LAMC1: variants seen among roughly 807,000 people sequenced by gnomAD.
LAMC1 encodes the protein laminin subunit gamma 1.
In LAMC1, 38 loss-of-function variants were observed where a neutral mutation model predicts 173.6. The ratio of observed to expected loss-of-function variants is 0.22; its 90% CI spans 0.17 to 0.29. The LOEUF (loss-of-function observed/expected upper bound fraction) is 0.29. Ranked by LOEUF, LAMC1 falls within the 10% of genes least tolerant of loss-of-function variation. The pLI, the probability that LAMC1 is intolerant of heterozygous loss-of-function variation, is 1.00. For missense variants in LAMC1, 1,824 were observed against 2,051.8 expected (o/e 0.89, Z 2.14); for synonymous variants, 746 against 749.1 (o/e 1.00, Z 0.07).
chr1:183,080,870 A>G (rs1377844184), intron 1 of LAMC1, among the ~76,000 whole-genome samples: 1 of 151,710 alleles, frequency 6.6e-6, no homozygotes, highest in Non-Finnish European at 1.5e-5. Context: ...ATGTTCTCAG[A>G]TATTTTTTAA....
At chr1:183,044,721 G>T (rs1317091672) in intron 1 of LAMC1, among the ~76,000 whole-genome samples, 1 of 152,062 alleles carries the variant, frequency 6.6e-6, no homozygotes, top group Non-Finnish European at 1.5e-5. Flanking sequence ...TGTCTGTTCT[G>T]TTGAACTTTC....
At chr1:183,139,372 T>A (rs1490962146) in intron 26 of LAMC1, among the ~76,000 whole-genome samples, 1 of 152,184 alleles carries the variant, frequency 6.6e-6, no homozygotes, top group Non-Finnish European at 1.5e-5. Context: ...AATGAAGGTT[T>A]ATAGCTTCAT....
chr1:183,032,397 C>T (rs540987185), intron 1 of LAMC1, among the ~76,000 whole-genome samples: 11 of 152,128 alleles, frequency 7.2e-5, no homozygotes, highest in African/African-American at 2.2e-4. Context: ...TGTGTGTGGC[C>T]GCTTCCTCTT....
At chr1:183,127,873 T>C (rs768986616) in intron 17 of LAMC1, among the ~76,000 whole-genome samples, 10 of 152,180 alleles carry the variant, frequency 6.6e-5, no homozygotes, top group Admixed American at 2.0e-4. Flanking sequence ...GTAAGAAGTT[T>C]AGATTTTATC....
intron 1 of LAMC1, among the ~76,000 whole-genome samples, chr1:183,039,223 T>C (rs1236723983): frequency 6.9e-6 from 1 of 144,576 alleles, no homozygotes; most frequent in East Asian, 2.0e-4. Flanking sequence ...TTGTGTTCTT[T>C]TGGAGGTGGG....
At chr1:183,058,547 A>T (rs760021123) in intron 1 of LAMC1, among the ~76,000 whole-genome samples, 15 of 152,068 alleles carry the variant, frequency 9.9e-5, no homozygotes, top group African/African-American at 1.7e-4. Context: ...GTGAAAACAC[A>T]TCTTAAAGGA....
chr1:183,038,978 T>C (rs761004188), intron 1 of LAMC1, among the ~76,000 whole-genome samples: 1 of 152,138 alleles, frequency 6.6e-6, no homozygotes, highest in Non-Finnish European at 1.5e-5. Context: ...GTTTAATTTA[T>C]TTAATCTCTT....
At chr1:183,076,486 C>T (rs1320079746) in intron 1 of LAMC1, among the ~76,000 whole-genome samples, 1 of 152,116 alleles carries the variant, frequency 6.6e-6, no homozygotes, top group Admixed American at 6.5e-5. Context: ...TTTCCATGAC[C>T]GTTTGTTCAT....
intron 1 of LAMC1, among the ~76,000 whole-genome samples, chr1:183,065,426 G>C (rs955495964): frequency 6.6e-6 from 1 of 152,210 alleles, no homozygotes; most frequent in Non-Finnish European, 1.5e-5. Flanking sequence ...CCAAAAGCTG[G>C]AAACTCAACC....
At chr1:183,040,215 T>A (rs879268666) in intron 1 of LAMC1, among the ~76,000 whole-genome samples, 2 of 152,232 alleles carry the variant, frequency 1.3e-5, no homozygotes, top group Non-Finnish European at 2.9e-5. Context: ...TGCCTCCCGC[T>A]AACACACAGC....
chr1:183,062,674 G>A (rs759836828), intron 1 of LAMC1, among the ~76,000 whole-genome samples: 4 of 151,966 alleles, frequency 2.6e-5, no homozygotes, highest in Admixed American at 6.6e-5. Flanking sequence ...TTTACTGGCC[G>A]GGTGCAGTGG....
chr1:183,088,775 A>G (rs1468439023), intron 1 of LAMC1, among the ~76,000 whole-genome samples: 1 of 152,208 alleles, frequency 6.6e-6, no homozygotes, highest in Non-Finnish European at 1.5e-5. Flanking sequence ...CCAAATCTGG[A>G]AAGATGGATA....
At chr1:183,033,861 GT>G (rs750175259) in intron 1 of LAMC1, among the ~76,000 whole-genome samples, 1 of 151,884 alleles carries the variant, frequency 6.6e-6, no homozygotes, top group African/African-American at 2.4e-5. Flanking sequence ...GCCCTGCTAG[GT>G]TTTTTGTATT....
chr1:183,092,774 G>A (rs996416898), intron 1 of LAMC1, among the ~76,000 whole-genome samples: 5 of 151,984 alleles, frequency 3.3e-5, no homozygotes, highest in African/African-American at 1.2e-4. Context: ...CGTCTTTGTG[G>A]ATGAAAGGGG....
intron 6 of LAMC1, among the ~76,000 whole-genome samples, 156 bp downstream of exon 6, chr1:183,115,793 G>C (rs186853558): frequency 6.6e-6 from 1 of 152,196 alleles, no homozygotes; most frequent in East Asian, 1.9e-4. Flanking sequence ...GCCACAAGGG[G>C]TTTGGCTTGT....
chr1:183,109,298 G>A (rs1353259041), intron 3 of LAMC1, among the ~76,000 whole-genome samples: 2 of 152,190 alleles, frequency 1.3e-5, no homozygotes, highest in East Asian at 3.8e-4. Context: ...GGGCCAGGAG[G>A]ATTAATGTGC....
intron 1 of LAMC1, among the ~76,000 whole-genome samples, chr1:183,046,442 A>AT (rs111326765): frequency 1.3e-5 from 2 of 151,770 alleles, no homozygotes; most frequent in East Asian, 1.9e-4. Flanking sequence ...TTTATTATTG[A>AT]TTTTTTTCTC....
At chr1:183,141,046 C>T (rs900510184) in intron 27 of LAMC1, 1 of 152,216 alleles carries the variant, frequency 6.6e-6, no homozygotes, top group Non-Finnish European at 1.5e-5. Context: ...TGTGATGGCT[C>T]ACACTGGTAA....
chr1:183,025,604 T>G (rs1653666859), intron 1 of LAMC1, among the ~76,000 whole-genome samples: 1 of 152,252 alleles, frequency 6.6e-6, no homozygotes, highest in African/African-American at 2.4e-5. Flanking sequence ...CTTTATTTTC[T>G]CCTGTTATAT....
Sources: gnomAD v4.1 joint callset for allele counts (sites outside exome capture counted in the v4.1 genomes callset) on GRCh38, gnomAD v4.1.1 for gene constraint, MANE v1.5 for transcripts, NCBI Gene and HGNC (gene_info 2026-07-23, HGNC 2026-07-21) for gene names.